Variants in SAMD12 observed in about 807,000 individuals in gnomAD.
SAMD12 encodes the protein sterile alpha motif domain-containing protein 12.
SAMD12 carries 9 observed loss-of-function variants against 15.0 expected under a neutral mutation model. The observed-to-expected ratio is 0.60, with a 90% CI of 0.36 to 1.05. SAMD12 has a LOEUF of 1.05. Ranked by LOEUF, SAMD12 falls within the 50% of genes least tolerant of loss-of-function variation. The pLI is 0.01. For synonymous variants in SAMD12, 86 were observed against 90.1 expected (o/e 0.96, Z 0.25); for missense variants, 230 against 234.2 (o/e 0.98, Z 0.12).
At chr8:118,343,363 A>AG (rs1272146867) in intron 4 of SAMD12, among the ~76,000 whole-genome samples, 3 of 146,662 alleles carry the variant, frequency 2.0e-5, no homozygotes, top group South Asian at 4.5e-4. Context: ...GTAGTTTTGG[A>AG]GGGGGGGAAT....
intron 2 of SAMD12, among the ~76,000 whole-genome samples, chr8:118,545,681 A>T (rs559246932): frequency 1.3e-5 from 2 of 152,340 alleles, no homozygotes; most frequent in Admixed American, 6.5e-5. Context: ...TTTCCTTAGG[A>T]ATAGAAAAGA....
chr8:118,519,067 T>C (rs764449890), intron 2 of SAMD12, among the ~76,000 whole-genome samples: 1 of 152,144 alleles, frequency 6.6e-6, no homozygotes, highest in Admixed American at 6.5e-5. Flanking sequence ...TCAACAGTTA[T>C]TGGGGACTGA....
chr8:118,476,087 T>C (rs1211617114), intron 2 of SAMD12, among the ~76,000 whole-genome samples: 1 of 152,200 alleles, frequency 6.6e-6, no homozygotes, highest in Non-Finnish European at 1.5e-5. Context: ...TTGGGTGTCA[T>C]TATTAAACCT....
intron 3 of SAMD12, among the ~76,000 whole-genome samples, chr8:118,390,833 A>G (rs376041497): frequency 5.3e-5 from 8 of 152,136 alleles, no homozygotes; most frequent in African/African-American, 1.7e-4. Context: ...AATTTACCAT[A>G]CTGATGGGAA....
chr8:118,373,412 C>G (rs910978462), downstream of SAMD12, among the ~76,000 whole-genome samples: 8 of 152,082 alleles, frequency 5.3e-5, no homozygotes, highest in Admixed American at 5.2e-4. Flanking sequence ...TTCAGATGGC[C>G]TACTTGAGTT....
intron 4 of SAMD12, among the ~76,000 whole-genome samples, chr8:118,198,953 G>A (rs1819638335): frequency 6.6e-6 from 1 of 152,010 alleles, no homozygotes; most frequent in African/African-American, 2.4e-5. Flanking sequence ...TTATCATAGA[G>A]GAAAAATTGG....
chr8:118,575,425 A>C (rs1308389594), intron 2 of SAMD12, among the ~76,000 whole-genome samples: 1 of 152,234 alleles, frequency 6.6e-6, no homozygotes, highest in Non-Finnish European at 1.5e-5. Context: ...CCAGATTCTC[A>C]GTGTAACAGA....
Position 118,194,249 on chromosome 8 carries a change from C to T in SAMD12, c.*3461G>A, listed in dbSNP as rs1819492199. The T allele has an allele frequency of 2.0e-5, 3 of 152,102 alleles. No individual in the cohort carries two copies. The South Asian group carries it at 6.2e-4, about 32-fold the overall frequency. 9.4% of individuals were successfully genotyped at this position (152,102 alleles called of 1,614,324 possible). On this transcript the variant is annotated 3_prime_UTR_variant, in exon 5 of 5. Transcript: ENST00000409003. ...GGACCGTTAGCCTCTTTCTGAGCAA[C>T]TGCGAAGTGACTCTGGAGAGATTCC...
intron 2 of SAMD12, among the ~76,000 whole-genome samples, chr8:118,559,704 C>T (rs1826651919): frequency 6.6e-6 from 1 of 152,132 alleles, no homozygotes; most frequent in African/African-American, 2.4e-5. Flanking sequence ...CTCCTCTTCT[C>T]TTCTTTGTGT....
chr8:118,532,061 G>C (rs369852270), intron 2 of SAMD12, among the ~76,000 whole-genome samples: 1 of 152,072 alleles, frequency 6.6e-6, no homozygotes, highest in Non-Finnish European at 1.5e-5. Flanking sequence ...ATTGGCTGTG[G>C]GTTTGTCATA....
chr8:118,377,163 A>G (rs1323603402), downstream of SAMD12, among the ~76,000 whole-genome samples: 2 of 152,264 alleles, frequency 1.3e-5, no homozygotes, highest in South Asian at 4.1e-4. Context: ...TTGGGAGGCC[A>G]AGGTGAGCAG....
intron 2 of SAMD12, among the ~76,000 whole-genome samples, chr8:118,530,819 T>G (rs1226673223): frequency 1.3e-5 from 2 of 152,180 alleles, no homozygotes; most frequent in African/African-American, 2.4e-5. Flanking sequence ...TCTTGTAGAA[T>G]TTTTATAGTT....
intron 2 of SAMD12, among the ~76,000 whole-genome samples, chr8:118,495,208 C>A (rs117655845): frequency 6.6e-6 from 1 of 152,270 alleles, no homozygotes; most frequent in East Asian, 1.9e-4. Flanking sequence ...ATTGTGTCAA[C>A]TGAAGTCATC....
the SAMD12 span, among the ~76,000 whole-genome samples, chr8:118,170,215 G>C: frequency 6.6e-6 from 1 of 152,124 alleles, no homozygotes; most frequent in Non-Finnish European, 1.5e-5. Flanking sequence ...AACTCAGAGT[G>C]CTCGTGAAGA....
At chr8:118,467,294 T>C (rs11987398) in intron 2 of SAMD12, among the ~76,000 whole-genome samples, 7,688 of 152,276 alleles carry the variant, frequency 0.05, 523 homozygotes, top group African/African-American at 0.16. Flanking sequence ...ATCTTCTTAG[T>C]ATGCCTCTGT....
At chr8:118,614,118 GGCTATAAAAAT>G (rs1563612547) in intron 1 of SAMD12, among the ~76,000 whole-genome samples, 2 of 151,984 alleles carry the variant, frequency 1.3e-5, no homozygotes, top group Non-Finnish European at 2.9e-5. Flanking sequence ...AATATCATGG[GGCTATAAAAAT>G]GCTATAAAAA....
chr8:118,613,735 T>C (rs1828164847), intron 1 of SAMD12, among the ~76,000 whole-genome samples: 1 of 152,136 alleles, frequency 6.6e-6, no homozygotes, highest in Non-Finnish European at 1.5e-5. Context: ...TTTCATGGAG[T>C]CCATGAATTA....
intron 2 of SAMD12, among the ~76,000 whole-genome samples, chr8:118,503,168 AT>A (rs1163073650): frequency 6.6e-6 from 1 of 152,222 alleles, no homozygotes; most frequent in Non-Finnish European, 1.5e-5. Context: ...TTATATAATT[AT>A]TTGGAGTTCA....
the SAMD12 span, among the ~76,000 whole-genome samples, chr8:118,169,484 A>C: frequency 6.6e-6 from 1 of 152,180 alleles, no homozygotes; most frequent in East Asian, 1.9e-4. Context: ...TTGGGGCTAC[A>C]TTTCTTTGTT....
Sources: gnomAD v4.1 joint callset for allele counts (sites outside exome capture counted in the v4.1 genomes callset) on GRCh38, gnomAD v4.1.1 for gene constraint, MANE v1.5 for transcripts, NCBI Gene and HGNC (gene_info 2026-07-23, HGNC 2026-07-21) for gene names.